Variants in GEMIN5 observed in about 807,000 individuals in gnomAD.
GEMIN5 encodes the protein gem-associated protein 5.
A neutral mutation model predicts 176.9 loss-of-function variants in GEMIN5; 124 were observed. The observed-to-expected ratio is 0.70, with a 90% CI of 0.61 to 0.81. The LOEUF (loss-of-function observed/expected upper bound fraction) is 0.81, where lower values mean the gene tolerates loss of function less well. Ranked by LOEUF, GEMIN5 falls within the 40% of genes least tolerant of loss-of-function variation. The pLI, the probability that GEMIN5 is intolerant of heterozygous loss-of-function variation, is 0.00. For missense variants in GEMIN5, 1,843 were observed against 1,814.6 expected (o/e 1.02, Z -0.28); for synonymous variants, 673 against 665.2 (o/e 1.01, Z -0.18).
At chr5:154,920,622 C>G (rs890687215) in intron 10 of GEMIN5, among the ~76,000 whole-genome samples, 2 of 152,188 alleles carry the variant, frequency 1.3e-5, no homozygotes, top group African/African-American at 4.8e-5. Context: ...ACTTTTACCA[C>G]TGGTAGATCA....
intron 25 of GEMIN5, 90 bp downstream of exon 25, chr5:154,892,297 T>A: frequency 9.5e-7 from 1 of 1,052,296 alleles, no homozygotes; most frequent in Non-Finnish European, 1.4e-6. Flanking sequence ...CTCCATCTTT[T>A]AAGAATCTAG....
At position 154,907,702 on chromosome 5, in the gene GEMIN5, C is replaced by G; in HGVS notation, c.2284G>C (p.Glu762Gln). The change falls in exon 16 of 28, where the codon GAA becomes CAA. Residue 762 changes from glutamate (E) to glutamine (Q), a missense_variant. Physicochemically the swap from Glu to Gln is conservative, Grantham distance 29 (BLOSUM62 2). Coordinates refer to ENST00000285873, the MANE Select transcript of GEMIN5 (RefSeq NM_015465.5). ...PVKLESIDGN[E>Q]EESMKENSGP... ...GAGTTCTCCTTCATGCTTTCTTCTT[C>G]ATTTCCATCAATCGATTCCAGCTTT... The G allele has an allele frequency of 6.2e-7, 1 of 1,614,094 alleles. No individual in the cohort carries two copies. Among genetic ancestry groups the G allele is most frequent in the African/African-American group, 1.3e-5 (1 of 75,052 alleles).
At chr5:154,936,117 A>T (rs1359892874) in intron 2 of GEMIN5, 95 bp from the exon 3 acceptor site, 24 of 757,330 alleles carry the variant, frequency 3.2e-5, no homozygotes, top group Non-Finnish European at 4.8e-5. Context: ...ACATATACAC[A>T]TTAAAAGTAA....
chr5:154,919,592 T>C (rs1203581255), intron 11 of GEMIN5, among the ~76,000 whole-genome samples: 1 of 152,250 alleles, frequency 6.6e-6, no homozygotes, highest in Non-Finnish European at 1.5e-5. Context: ...TACTATATTA[T>C]TGTTATTTTT....
chr5:154,935,687 C>A (rs1582680409), intron 3 of GEMIN5, among the ~76,000 whole-genome samples, 154 bp downstream of exon 3: 1 of 152,128 alleles, frequency 6.6e-6, no homozygotes, highest in Non-Finnish European at 1.5e-5. Flanking sequence ...ACAGTAAAGA[C>A]CTGGAGGAAT....
chr5:154,898,606 G>T lies in GEMIN5; in HGVS notation c.3179C>A (p.Ala1060Asp), dbSNP rs1006446677. 10 of 1,613,886 alleles carry T rather than the reference G, an allele frequency of 6.2e-6. No homozygotes were observed. The Admixed American group carries it at 1.7e-4, about 27-fold the overall frequency. The change falls in exon 23 of 28, where the codon GCC becomes GAC. Residue 1060 changes from alanine to aspartate, a missense_variant. Transcript: ENST00000285873. ...AAGTGATGCCGCATCCCCCTTTTTGGCCAAAACTTTGGCTGCATCATAAGC... is the reference window on the plus strand; with the variant it reads ...AAGTGATGCCGCATCCCCCTTTTTGTCCAAAACTTTGGCTGCATCATAAGC... ...TCAYDAAKVL[A>D]KKGDAASLRT...
At chr5:154,892,690 C>G in intron 24 of GEMIN5, 141 bp from the exon 25 acceptor site, 1 of 760,526 alleles carries the variant, frequency 1.3e-6, no homozygotes, top group Non-Finnish European at 2.1e-6. Flanking sequence ...CTCCGCCACC[C>G]ATTTTTGCTT....
chr5:154,888,875 T>TTTTA (rs1763163470), intron 27 of GEMIN5, among the ~76,000 whole-genome samples: 1 of 152,098 alleles, frequency 6.6e-6, no homozygotes, highest in Non-Finnish European at 1.5e-5. Context: ...GTTTTTTTTT[T>TTTTA]GAGACAGAGT....
intron 20 of GEMIN5, 69 bp from the exon 21 acceptor site, chr5:154,901,555 T>A: frequency 1.3e-6 from 2 of 1,503,372 alleles, no homozygotes; most frequent in Non-Finnish European, 1.8e-6. Context: ...CCAGTACATT[T>A]GGGTTGAAAA....
chr5:154,928,929 A>AT lies in GEMIN5; in HGVS notation c.782-271dup, dbSNP rs879779730. On this transcript the variant is annotated intron_variant, in intron 5 of 27. Transcript: ENST00000285873. ...TTGACAACCTCAACGTATTAAGAGT[A>AT]TTTTTTTTTTTTGGCCGGGCGCGGT... 2.0e-3 allele frequency among the ~76,000 whole-genome samples: 295 copies of AT among 146,192 alleles called. 1 individual carries two copies. Among genetic ancestry groups the AT allele is most frequent in the African/African-American group, 5.3e-3 (211 of 40,014 alleles).
At chr5:154,929,174 A>G (rs557759906) in intron 5 of GEMIN5, among the ~76,000 whole-genome samples, 45 of 152,284 alleles carry the variant, frequency 3.0e-4, no homozygotes, top group African/African-American at 1.0e-3. Flanking sequence ...CAGTGAGCTG[A>G]GATCGTGCCA....
rs771886102 is a variant in GEMIN5 at position 154,932,143 on chromosome 5, A to AG, written c.616dup (p.Leu206ProfsTer4). On this transcript the variant is annotated frameshift_variant, in exon 4 of 28. Transcript: ENST00000285873. LOFTEE classifies it high-confidence loss of function. ...TATAGATAAACAATCTTCACCAGGC[A>AG]GGGGACACCAGGCTATGGAGTGGAT... is the stretch of plus-strand genomic sequence containing the variant. 1 of 1,613,736 alleles carries AG rather than the reference A, an allele frequency of 6.2e-7. No individual in the cohort carries two copies. Among genetic ancestry groups the AG allele is most frequent in the Admixed American group, 1.7e-5 (1 of 60,004 alleles).
intron 26 of GEMIN5, among the ~76,000 whole-genome samples, chr5:154,890,467 ATTTTTTT>A (rs748573084): frequency 2.2e-5 from 3 of 138,168 alleles, no homozygotes; most frequent in Non-Finnish European, 4.7e-5. Context: ...TTAAAATTTA[ATTTTTTT>A]TTTTTTTTTT....
Position 154,912,965 on chromosome 5 carries a change from G to A in GEMIN5, c.1929C>T (p.Thr643=). The change falls in exon 14 of 28, where the codon ACC becomes ACT. Residue 643 remains threonine (T), a synonymous_variant. Transcript: ENST00000285873. Reference sequence around the variant, plus strand: ...CATGATGTGGGCTCCACGCCACACTGGTAATCTTGGCCGTATGCCCTGAGA... The same window carrying A: ...CATGATGTGGGCTCCACGCCACACTAGTAATCTTGGCCGTATGCCCTGAGA... ...RTLSGHTAKI[T]SVAWSPHHDG... 1.9e-6 allele frequency: 3 copies of A among 1,613,420 alleles called. No individual in the cohort carries two copies. The highest frequency in any genetic ancestry group is 2.2e-5 in the East Asian group (1 of 44,876).
chr5:154,929,286 C>T (rs1385585380), intron 5 of GEMIN5, among the ~76,000 whole-genome samples: 1 of 152,140 alleles, frequency 6.6e-6, no homozygotes, highest in South Asian at 2.1e-4. Context: ...GAGAACCCAG[C>T]TAGTAACACA....
intron 24 of GEMIN5, chr5:154,892,757 T>TA (rs1329547139): frequency 3.4e-5 from 19 of 553,432 alleles, no homozygotes; most frequent in Non-Finnish European, 5.8e-5. Context: ...GTCCCGGTGT[T>TA]AAAGTCTGTT....
At chr5:154,937,844 G>T in intron 1 of GEMIN5, 124 bp downstream of exon 1, 1 of 822,422 alleles carries the variant, frequency 1.2e-6, no homozygotes, top group Non-Finnish European at 1.8e-6. Context: ...ACTGTGGGCT[G>T]CCTCTCCTCC....
chr5:154,926,870 T>C (rs2113505262), intron 7 of GEMIN5, among the ~76,000 whole-genome samples: 1 of 152,096 alleles, frequency 6.6e-6, no homozygotes, highest in East Asian at 1.9e-4. Context: ...ACAGTGAAAC[T>C]CCATCTCTAC....
At chr5:154,915,460 C>T (rs981914391) in intron 13 of GEMIN5, among the ~76,000 whole-genome samples, 7 of 152,042 alleles carry the variant, frequency 4.6e-5, no homozygotes, top group African/African-American at 7.3e-5. Flanking sequence ...TTCCAGGTGC[C>T]GAAGGGGCCT....
Sources: gnomAD v4.1 joint callset for allele counts (sites outside exome capture counted in the v4.1 genomes callset) on GRCh38, gnomAD v4.1.1 for gene constraint, MANE v1.5 for transcripts, NCBI Gene and HGNC (gene_info 2026-07-23, HGNC 2026-07-21) for gene names.